Variants in HSD17B13 observed in about 807,000 individuals in gnomAD.
HSD17B13 encodes the protein hydroxysteroid 17-beta dehydrogenase 13.
A neutral mutation model predicts 31.1 loss-of-function variants in HSD17B13; 26 were observed. That is an observed-to-expected ratio of 0.84 (90% CI 0.61 to 1.16). The LOEUF is 1.16. HSD17B13 is among the 50% of genes most tolerant of loss of function. The pLI is 0.00. For synonymous variants in HSD17B13, 141 were observed against 133.7 expected, an observed-to-expected ratio of 1.05 and a Z score of -0.38; for missense variants, 374 against 366.5, an observed-to-expected ratio of 1.02 and a Z score of -0.17.
In HSD17B13 at chr4:87,318,361, T is replaced by A; in HGVS notation, c.286A>T (p.Asn96Tyr). The A allele has an allele frequency of 1.2e-6, 2 of 1,614,086 alleles. No individual in the cohort carries two copies. The highest frequency in any genetic ancestry group is 3.3e-4 in the Middle Eastern group (2 of 6,062). Residue 96 changes from asparagine to tyrosine, a missense_variant, in exon 2 of 7, where the codon AAC becomes TAC. By Grantham distance (143) the Asn-to-Tyr change is moderately radical. Transcript: ENST00000328546. Reference sequence around the variant, plus strand: ...AGAGAGCGATAGATCTCTTCTCTGTTGCTGCAGTCTACCACATACGCATGC... The same window carrying A: ...AGAGAGCGATAGATCTCTTCTCTGTAGCTGCAGTCTACCACATACGCATGC... Reference protein sequence around the residue: ...TAHAYVVDCSNREEIYRSLNQ... With the variant: ...TAHAYVVDCSYREEIYRSLNQ...
intron 2 of HSD17B13, 109 bp downstream of exon 2, chr4:87,318,220 A>C (rs1445227381): frequency 2.5e-6 from 2 of 784,640 alleles, no homozygotes; most frequent in East Asian, 2.6e-5. Context: ...TTCAGTTAGC[A>C]GCTAAAATCC....
intron 1 of HSD17B13, among the ~76,000 whole-genome samples, chr4:87,321,684 T>C (rs1208691620): frequency 6.6e-6 from 1 of 152,202 alleles, no homozygotes; most frequent in Non-Finnish European, 1.5e-5. Flanking sequence ...ATGTAGTAGC[T>C]TTTTTGTATA....
rs551260498 is a variant in HSD17B13 at position 87,315,998 on chromosome 4, T to C, written c.451-399A>G. 4.6e-5 allele frequency among the ~76,000 whole-genome samples: 7 copies of C among 152,328 alleles called. No homozygotes were observed. The South Asian group carries it at 1.0e-3, about 23-fold the overall frequency. Reference sequence around the variant, plus strand: ...CTAATTAAAAGAGTGAAATCTTGTGTAACTGTATTAAGACAGTTGAGTAGT... The same window carrying C: ...CTAATTAAAAGAGTGAAATCTTGTGCAACTGTATTAAGACAGTTGAGTAGT... On this transcript the variant is annotated intron_variant, in intron 3 of 6. Coordinates refer to ENST00000328546, the MANE Select transcript of HSD17B13 (RefSeq NM_178135.5).
Position 87,320,382 on chromosome 4 carries a change from G to GTTTTTTTT in HSD17B13, c.211-1954_211-1947dup, listed in dbSNP as rs66590696. On this transcript the variant is annotated intron_variant, in intron 1 of 6. Transcript: ENST00000328546. ...TGATTGAAGAATTAATTATTCTTCA[G>GTTTTTTTT]TTTTTTTTTTTTTTTTTTTTTTGAG... Among the ~76,000 whole-genome samples the GTTTTTTTT allele has an allele frequency of 5.9e-5, 6 of 101,382 alleles. 1 individual carries two copies. Among genetic ancestry groups the GTTTTTTTT allele is most frequent in the Non-Finnish European group, 9.5e-5 (5 of 52,492 alleles). The allele number at this position is 101,382 out of a possible 152,430, so 66.5% of individuals were successfully genotyped here.
At chr4:87,319,943 T>TA (rs1262194214) in intron 1 of HSD17B13, among the ~76,000 whole-genome samples, 1 of 152,248 alleles carries the variant, frequency 6.6e-6, no homozygotes, top group Non-Finnish European at 1.5e-5. Flanking sequence ...TATAAGGTTT[T>TA]AAAAATTATA....
At chr4:87,320,382 GTTTTTTTT>G (rs66590696) in intron 1 of HSD17B13, among the ~76,000 whole-genome samples, 11 of 101,382 alleles carry the variant, frequency 1.1e-4, no homozygotes, top group African/African-American at 3.8e-4. Flanking sequence ...TTATTCTTCA[GTTTTTTTT>G]TTTTTTTTTT....
At chr4:87,306,146 T>C (rs776047893) in intron 6 of HSD17B13, among the ~76,000 whole-genome samples, 1 of 152,196 alleles carries the variant, frequency 6.6e-6, no homozygotes, top group African/African-American at 2.4e-5. Flanking sequence ...TCTGAACCTA[T>C]GTGTGCACCT....
chr4:87,309,621 G>T (rs1023409845), intron 6 of HSD17B13, among the ~76,000 whole-genome samples: 2 of 152,072 alleles, frequency 1.3e-5, no homozygotes, highest in African/African-American at 4.8e-5. Flanking sequence ...CAAACTTCCA[G>T]CAGACTTTTA....
Position 87,318,411 on chromosome 4 carries a change from T to C in HSD17B13, c.236A>G (p.Glu79Gly). 6.2e-7 allele frequency: 1 copy of C among 1,614,156 alleles called. No homozygotes were observed. The highest frequency in any genetic ancestry group is 1.6e-4 in the Middle Eastern group (1 of 6,062). ...CGCAGTGACGCCTAGTTTTCGGCACTCAGCTGCAGTTTCCTCCACACCGCG... is the reference window on the plus strand; with the variant it reads ...CGCAGTGACGCCTAGTTTTCGGCACCCAGCTGCAGTTTCCTCCACACCGCG... ...NKRGVEETAA[E>G]CRKLGVTAHA... Residue 79 changes from glutamate to glycine, a missense_variant, in exon 2 of 7, where the codon GAG becomes GGG. Coordinates refer to ENST00000328546, the MANE Select transcript of HSD17B13 (RefSeq NM_178135.5).
rs775770073 is a variant in HSD17B13, at chr4:87,315,450, CA to C, written c.557+42del. ...ACAATTTGAAGTGTAATGCTCCCTT[CA>C]AAGTATAAAAATATATAACATGGCT... On this transcript the variant is annotated intron_variant, in intron 4 of 6. Coordinates refer to ENST00000328546, the MANE Select transcript of HSD17B13 (RefSeq NM_178135.5). 13 of 1,211,442 alleles carry C rather than the reference CA, an allele frequency of 1.1e-5. No individual in the cohort carries two copies. In the East Asian group the frequency reaches 3.1e-4, roughly 29 times the overall value. 75.0% of individuals were successfully genotyped at this position (1,211,442 alleles called of 1,614,324 possible).
chr4:87,303,951 A>G lies in HSD17B13; in HGVS notation c.*1267T>C, dbSNP rs914270424. 1.4e-4 allele frequency: 22 copies of G among 152,156 alleles called. No individual in the cohort carries two copies. The highest frequency in any genetic ancestry group is 4.1e-4 in the African/African-American group (17 of 41,412). 9.4% of individuals were successfully genotyped at this position (152,156 alleles called of 1,614,324 possible). ...AGTCCATGCAAAAGCATTCTATAAT[A>G]CATGTGAAAAACACACAAAACAAGA... On this transcript the variant is annotated 3_prime_UTR_variant, in exon 7 of 7. Coordinates refer to ENST00000328546, the MANE Select transcript of HSD17B13 (RefSeq NM_178135.5).
At chr4:87,306,346 C>T (rs1226408789) in intron 6 of HSD17B13, among the ~76,000 whole-genome samples, 1 of 152,134 alleles carries the variant, frequency 6.6e-6, no homozygotes, top group Non-Finnish European at 1.5e-5. Flanking sequence ...TCTATGCAAG[C>T]CTTCACCTCT....
chr4:87,306,905 T>TAAAAAAAAA (rs67775053), intron 6 of HSD17B13, among the ~76,000 whole-genome samples: 7 of 44,316 alleles, frequency 1.6e-4, no homozygotes, highest in African/African-American at 6.2e-4. Context: ...AGACCCAATC[T>TAAAAAAAAA]AAAAAAAAAA....
At position 87,304,375 on chromosome 4, in the gene HSD17B13, C is replaced by T. The variant is rs1004099817; in HGVS notation, c.*843G>A. ...AACCTTTCTTTCTTCCTTTTCTTCTCTTGGGTCCATTGTTTCTTATGTAAT... is the reference window on the plus strand; with the variant it reads ...AACCTTTCTTTCTTCCTTTTCTTCTTTTGGGTCCATTGTTTCTTATGTAAT... On this transcript the variant is annotated 3_prime_UTR_variant, in exon 7 of 7. Coordinates refer to ENST00000328546, the MANE Select transcript of HSD17B13 (RefSeq NM_178135.5). 1.3e-5 allele frequency: 2 copies of T among 152,996 alleles called. No individual in the cohort carries two copies. Among genetic ancestry groups the T allele is most frequent in the African/African-American group, 4.8e-5 (2 of 41,430 alleles). The allele number at this position is 152,996 out of a possible 1,614,324, so 9.5% of individuals were successfully genotyped here.
Position 87,313,014 on chromosome 4 carries a change from C to T in HSD17B13, c.695+809G>A, listed in dbSNP as rs190361432. 4.6e-3 allele frequency among the ~76,000 whole-genome samples: 701 copies of T among 151,674 alleles called. 3 individuals carry two copies. Among genetic ancestry groups the T allele is most frequent in the Admixed American group, 8.6e-3 (131 of 15,260 alleles). ...GGCGGAGGTTGCGGTGAGCTGAGAT[C>T]GCGCCACTGTACTCCAGCCTGGGTG... On this transcript the variant is annotated intron_variant, in intron 5 of 6. Transcript: ENST00000328546.
At chr4:87,307,301 A>T (rs1297979719) in intron 6 of HSD17B13, among the ~76,000 whole-genome samples, 1 of 152,168 alleles carries the variant, frequency 6.6e-6, no homozygotes, top group African/African-American at 2.4e-5. Flanking sequence ...AAAGACTTTG[A>T]GACTCTTGTT....
chr4:87,313,921 C>G lies in HSD17B13; in HGVS notation c.597G>C (p.Leu199=), dbSNP rs1302570475. ...TTCCCAAGGCCTGAAGTTCTGATGT[C>G]AGACCTCTGTGAAAGCCAACAGCGG... ...KFAAVGFHRG[L]TSELQALGKT... Residue 199 remains leucine (L), a synonymous_variant, in exon 5 of 7, where the codon CTG becomes CTC. Coordinates refer to ENST00000328546, the MANE Select transcript of HSD17B13 (RefSeq NM_178135.5). The G allele has an allele frequency of 6.2e-7, 1 of 1,602,540 alleles. No individual in the cohort carries two copies. The highest frequency in any genetic ancestry group is 8.5e-7 in the Non-Finnish European group (1 of 1,175,918).
At position 87,317,568 on chromosome 4, in the gene HSD17B13, T is replaced by TTTTTTTTTC. The variant is rs1553956431; in HGVS notation, c.319-346_319-345insGAAAAAAAA. ...AAAATGTGTTTTTCTTTAAACTTTT[T>TTTTTTTTTC]TTTTTTTTTTTTTTTTTTTTTTTAG... On this transcript the variant is annotated intron_variant, in intron 2 of 6. Coordinates refer to ENST00000328546, the MANE Select transcript of HSD17B13 (RefSeq NM_178135.5). Among the ~76,000 whole-genome samples the TTTTTTTTTC allele has an allele frequency of 1.5e-3, 166 of 111,786 alleles. 17 individuals are homozygous for TTTTTTTTTC. Among genetic ancestry groups the TTTTTTTTTC allele is most frequent in the African/African-American group, 6.8e-3 (148 of 21,616 alleles). 73.3% of individuals were successfully genotyped at this position (111,786 alleles called of 152,430 possible). A position where few individuals can be genotyped will look rare whatever the true frequency, so the allele number is the denominator to read the frequency against.
intron 3 of HSD17B13, among the ~76,000 whole-genome samples, chr4:87,316,817 C>T (rs115151963): frequency 1.1e-3 from 168 of 152,298 alleles, no homozygotes; most frequent in Non-Finnish European, 2.1e-3. Flanking sequence ...CCTCCACAAA[C>T]ATTTGTTGAG....
Sources: allele counts gnomAD v4.1 joint callset (sites outside exome capture counted in the v4.1 genomes callset), GRCh38; gene constraint gnomAD v4.1.1; transcripts MANE v1.5; gene names NCBI Gene and HGNC (gene_info 2026-07-23, HGNC 2026-07-21).